The following TP63 variants were observed in gnomAD, a reference collection of about 807,000 sequenced individuals.
TP63 encodes tumor protein p63.
Under a neutral mutation model 82.8 loss-of-function variants are expected in TP63, and 17 were observed. The observed-to-expected ratio is 0.21, with a 90% CI of 0.14 to 0.31. The LOEUF is 0.31. TP63 is among the 10% of genes least tolerant of loss of function. The pLI, the probability that TP63 is intolerant of heterozygous loss-of-function variation, is 1.00. For missense variants in TP63, 648 were observed against 895.3 expected, an observed-to-expected ratio of 0.72 and a Z score of 3.52; for synonymous variants, 330 against 321.7, an observed-to-expected ratio of 1.03 and a Z score of -0.28.
At chr3:189,611,478 C>G in the TP63 span, among the ~76,000 whole-genome samples, 2 of 151,906 alleles carry the variant, frequency 1.3e-5, no homozygotes, top group African/African-American at 4.8e-5. Context: ...ATTGCTGAGC[C>G]CTGTATTTTG....
In TP63 at chr3:189,680,531, T is replaced by C. The variant is rs569047459; in HGVS notation, c.62+48954T>C. Among the ~76,000 whole-genome samples, 3 of 152,230 alleles carry C rather than the reference T, an allele frequency of 2.0e-5. No homozygotes were observed. In the South Asian group the frequency reaches 6.2e-4, roughly 32 times the overall value. Reference sequence around the variant, plus strand: ...CTGGTGAACACAGACATAAAAATTCTCAACAAAATACAAGCAAACCAAATT... The same window carrying C: ...CTGGTGAACACAGACATAAAAATTCCCAACAAAATACAAGCAAACCAAATT... On this transcript the variant is annotated intron_variant, in intron 1 of 13. Transcript: ENST00000264731.
chr3:189,673,923 ATTG>A (rs374517059), intron 1 of TP63, among the ~76,000 whole-genome samples: 137 of 152,236 alleles, frequency 9.0e-4, no homozygotes, highest in African/African-American at 3.2e-3. Context: ...TAGTTTTATT[ATTG>A]TTATTATGAA....
At chr3:189,665,542 G>A (rs1714306693) in intron 1 of TP63, among the ~76,000 whole-genome samples, 1 of 152,042 alleles carries the variant, frequency 6.6e-6, no homozygotes, top group South Asian at 2.1e-4. Flanking sequence ...CAACTATGAG[G>A]GGATATATCT....
At chr3:189,633,822 A>C (rs1199338885) in intron 1 of TP63, among the ~76,000 whole-genome samples, 1 of 152,156 alleles carries the variant, frequency 6.6e-6, no homozygotes, top group Non-Finnish European at 1.5e-5. Flanking sequence ...CTTACTCAGC[A>C]TCTGCTCTGC....
intron 1 of TP63, among the ~76,000 whole-genome samples, chr3:189,656,904 A>G (rs1713418472): frequency 6.7e-6 from 1 of 150,092 alleles, no homozygotes; most frequent in South Asian, 2.1e-4. Context: ...TTTTAACACC[A>G]AAAATTGGAA....
intron 1 of TP63, among the ~76,000 whole-genome samples, chr3:189,670,173 A>C (rs1714769665): frequency 6.6e-6 from 1 of 152,056 alleles, no homozygotes; most frequent in African/African-American, 2.4e-5. Flanking sequence ...ATTTTTAAAA[A>C]GAAGAATTGA....
At chr3:189,781,321 G>A (rs1724214064) in intron 3 of TP63, among the ~76,000 whole-genome samples, 1 of 152,156 alleles carries the variant, frequency 6.6e-6, no homozygotes, top group Admixed American at 6.6e-5. Flanking sequence ...CCACCCTCGT[G>A]GTTCATGATG....
At chr3:189,723,163 C>T (rs1242267646) in intron 1 of TP63, among the ~76,000 whole-genome samples, 1 of 152,092 alleles carries the variant, frequency 6.6e-6, no homozygotes, top group African/African-American at 2.4e-5. Context: ...GAGTCAAGAC[C>T]TTTTTTTCCT....
intron 10 of TP63, among the ~76,000 whole-genome samples, chr3:189,885,770 G>A (rs987808500): frequency 5.9e-5 from 9 of 152,124 alleles, no homozygotes; most frequent in Admixed American, 1.3e-4. Context: ...GGGCTTCAGC[G>A]TTCTCCTGTG....
At chr3:189,873,106 G>A in intron 10 of TP63, 111 bp downstream of exon 10, 2 of 1,551,828 alleles carry the variant, frequency 1.3e-6, no homozygotes, top group Non-Finnish European at 8.9e-7. Context: ...ATAGCAGATT[G>A]TCATAGATTC....
At chr3:189,788,410 C>T (rs1332710593) in intron 3 of TP63, among the ~76,000 whole-genome samples, 2 of 152,026 alleles carry the variant, frequency 1.3e-5, no homozygotes, top group East Asian at 1.9e-4. Flanking sequence ...AAGTCGTGAA[C>T]GTATTTGCAA....
At chr3:189,878,618 G>A (rs1255930897) in intron 10 of TP63, among the ~76,000 whole-genome samples, 2 of 149,608 alleles carry the variant, frequency 1.3e-5, no homozygotes, top group Admixed American at 6.7e-5. Flanking sequence ...TAGTAGAGAC[G>A]GGATTTCACC....
intron 4 of TP63, among the ~76,000 whole-genome samples, chr3:189,848,534 T>TA (rs1418802692): frequency 6.6e-6 from 1 of 152,218 alleles, no homozygotes; most frequent in East Asian, 1.9e-4. Flanking sequence ...TCTAATGTTC[T>TA]AAAAAAATCT....
chr3:189,842,819 G>A (rs114644965), intron 4 of TP63, among the ~76,000 whole-genome samples: 73 of 152,224 alleles, frequency 4.8e-4, no homozygotes, highest in African/African-American at 1.6e-3. Context: ...AGAGTAAGCC[G>A]ACCTTAACAC....
At chr3:189,886,646 AGAGACACAGT>A in intron 11 of TP63, 95 bp downstream of exon 11, 1 of 1,550,240 alleles carries the variant, frequency 6.5e-7, no homozygotes, top group Non-Finnish European at 8.8e-7. Context: ...AAGCTAAATG[AGAGACACAGT>A]GGGACAGATC....
rs547813035 is a variant in TP63 at position 189,703,236 on chromosome 3, C to G, written c.63-34504C>G. On this transcript the variant is annotated intron_variant, in intron 1 of 13. Coordinates refer to ENST00000264731, the MANE Select transcript of TP63 (RefSeq NM_003722.5). ...ATTTGTTGAGCTCAGGGATTTGGGACCAGCCTGAGCAAAACAGTGAAACCC... is the reference window on the plus strand; with the variant it reads ...ATTTGTTGAGCTCAGGGATTTGGGAGCAGCCTGAGCAAAACAGTGAAACCC... Among the ~76,000 whole-genome samples, 3 of 152,274 alleles carry G rather than the reference C, an allele frequency of 2.0e-5. No individual in the cohort carries two copies. The South Asian group carries it at 6.2e-4, about 32-fold the overall frequency.
chr3:189,655,701 A>G (rs1001710856), intron 1 of TP63, among the ~76,000 whole-genome samples: 2 of 152,206 alleles, frequency 1.3e-5, no homozygotes, highest in Non-Finnish European at 2.9e-5. Context: ...GAAGCCATAA[A>G]GTGGTAAGAA....
chr3:189,831,818 C>CTTTTT (rs1156431272), intron 4 of TP63, among the ~76,000 whole-genome samples: 3 of 73,198 alleles, frequency 4.1e-5, no homozygotes, highest in African/African-American at 1.3e-4. Flanking sequence ...CTATTATGCT[C>CTTTTT]TTTTTTTTTT....
chr3:189,819,170 G>A (rs1728517706), intron 4 of TP63, among the ~76,000 whole-genome samples: 1 of 152,118 alleles, frequency 6.6e-6, no homozygotes, highest in Non-Finnish European at 1.5e-5. Flanking sequence ...TCCTTATTGT[G>A]ATGATTAAAA....
Sources: gnomAD v4.1 joint callset for allele counts (sites outside exome capture counted in the v4.1 genomes callset) on GRCh38, gnomAD v4.1.1 for gene constraint, MANE v1.5 for transcripts, NCBI Gene and HGNC (gene_info 2026-07-23, HGNC 2026-07-21) for gene names.